The following ZNF257 variants were observed in gnomAD, a reference collection of about 807,000 sequenced individuals.
The protein encoded by ZNF257 is zinc finger protein 257.
Under a neutral mutation model 11.9 loss-of-function variants are expected in ZNF257, and 12 were observed. The ratio of observed to expected loss-of-function variants is 1.01; its 90% CI spans 0.65 to 1.63. ZNF257 has a LOEUF of 1.63. Ranked by LOEUF, ZNF257 falls within the 40% of genes most tolerant of loss-of-function variation. The pLI, the probability that ZNF257 is intolerant of heterozygous loss-of-function variation, is 0.00. For synonymous variants in ZNF257, 183 were observed against 222.7 expected (o/e 0.82, Z 1.59); for missense variants, 580 against 665.5 (o/e 0.87, Z 1.41).
rs752846160 is a variant in ZNF257 at position 22,088,999 on chromosome 19, A to G, written c.1249A>G (p.Thr417Ala). The change falls in exon 4 of 4, where the codon ACC becomes GCC. Residue 417 changes from threonine to alanine, a missense_variant. Physicochemically the swap from Thr to Ala is moderately conservative, Grantham distance 58 (BLOSUM62 0). Transcript: ENST00000594947. ...KAFNWSSALT[T>A]LTQHKIIHTG... ...TTTTAACTGGTCCTCAGCTCTTACT[A>G]CCCTTACTCAGCATAAGATAATTCA... 1.2e-6 allele frequency: 2 copies of G among 1,608,326 alleles called. No individual in the cohort carries two copies. Among genetic ancestry groups the G allele is most frequent in the East Asian group, 2.2e-5 (1 of 44,584 alleles).
At chr19:22,069,388 G>A (rs1227168244) in intron 1 of ZNF257, among the ~76,000 whole-genome samples, 1 of 152,156 alleles carries the variant, frequency 6.6e-6, no homozygotes, top group Admixed American at 6.5e-5. Context: ...GCCGAGGTGG[G>A]TGGATCACGA....
chr19:22,081,350 TCTACCATAATTATGC>T (rs2022356954), intron 3 of ZNF257, among the ~76,000 whole-genome samples: 1 of 151,970 alleles, frequency 6.6e-6, no homozygotes, highest in Admixed American at 6.6e-5. Context: ...CATAATTATG[TCTACCATAATTATGC>T]CTACCCACCC....
chr19:22,079,326 G>T (rs915913519), intron 3 of ZNF257, among the ~76,000 whole-genome samples: 1 of 151,924 alleles, frequency 6.6e-6, no homozygotes, highest in Non-Finnish European at 1.5e-5. Context: ...CTTTTTCATG[G>T]GTTTCTGGCT....
At chr19:22,063,113 A>G (rs1412504057) in intron 1 of ZNF257, among the ~76,000 whole-genome samples, 1 of 152,100 alleles carries the variant, frequency 6.6e-6, no homozygotes, top group African/African-American at 2.4e-5. Context: ...GTATTTGTCC[A>G]GGACTTTATT....
At chr19:22,080,006 A>C (rs2022323563) in intron 3 of ZNF257, among the ~76,000 whole-genome samples, 1 of 152,018 alleles carries the variant, frequency 6.6e-6, no homozygotes, top group Admixed American at 6.6e-5. Flanking sequence ...TTTAGACAGG[A>C]TCTTACTCTG....
Position 22,088,671 on chromosome 19 carries a change from G to C in ZNF257, c.921G>C (p.Lys307Asn). ...CTCTTACTACCCTTACTCAACATAA[G>C]AGAATTCATACTGGAGAGAAACCCT... is the stretch of plus-strand genomic sequence containing the variant. ...SSALTTLTQH[K>N]RIHTGEKPYK... The change falls in exon 4 of 4, where the codon AAG (lysine) becomes AAC (asparagine). Residue 307 changes from lysine to asparagine, a missense_variant. Physicochemically the swap from Lys to Asn is moderately conservative, Grantham distance 94 (BLOSUM62 0). Coordinates refer to ENST00000594947, the MANE Select transcript of ZNF257 (RefSeq NM_033468.4). 7 of 1,613,248 alleles carry C rather than the reference G, an allele frequency of 4.3e-6. No individual in the cohort carries two copies. Among genetic ancestry groups the C allele is most frequent in the Non-Finnish European group, 5.9e-6 (7 of 1,179,806 alleles).
At chr19:22,053,153 G>A (rs1239763303) in intron 1 of ZNF257, among the ~76,000 whole-genome samples, 1 of 151,620 alleles carries the variant, frequency 6.6e-6, no homozygotes, top group Non-Finnish European at 1.5e-5. Context: ...GGCGGATCAC[G>A]AGGTCAGGAG....
intron 1 of ZNF257, among the ~76,000 whole-genome samples, chr19:22,065,451 C>T (rs1350292804): frequency 1.3e-5 from 2 of 152,114 alleles, no homozygotes; most frequent in Non-Finnish European, 1.5e-5. Flanking sequence ...CCACCCACCT[C>T]GGCCTTCCAA....
In ZNF257 at chr19:22,089,348, A is replaced by T. The variant is rs369615066; in HGVS notation, c.1598A>T (p.His533Leu). ...PFNRFSYLTV[H>L]KRIHAGENPN... ...AATCGTTTCTCATACCTTACCGTAC[A>T]TAAGAGAATTCATGCTGGAGAGAAC... Residue 533 changes from histidine to leucine, a missense_variant, in exon 4 of 4, where the codon CAT becomes CTT. Coordinates refer to ENST00000594947, the MANE Select transcript of ZNF257 (RefSeq NM_033468.4). The T allele has an allele frequency of 1.9e-6, 3 of 1,613,604 alleles. No individual in the cohort carries two copies. The highest frequency in any genetic ancestry group is 2.7e-5 in the African/African-American group (2 of 74,888).
chr19:22,060,486 C>CTTTTTTTTTT (rs61396561), intron 1 of ZNF257: 1 of 136,110 alleles, frequency 7.3e-6, no homozygotes. Flanking sequence ...CCTACTTTTT[C>CTTTTTTTTTT]TTTTTTTTTT....
At chr19:22,056,550 A>C (rs1230377480) in intron 1 of ZNF257, among the ~76,000 whole-genome samples, 2 of 142,924 alleles carry the variant, frequency 1.4e-5, no homozygotes, top group Admixed American at 7.3e-5. Flanking sequence ...ATCTTGGCTC[A>C]CTGCAAGCTC....
intron 1 of ZNF257, 38 bp downstream of exon 1, chr19:22,052,673 G>A: frequency 6.2e-7 from 1 of 1,604,398 alleles, no homozygotes; most frequent in South Asian, 1.1e-5. Flanking sequence ...GAGAGGGGAA[G>A]GGGGTGGTTG....
At chr19:22,068,762 C>T (rs2022025988) in intron 1 of ZNF257, among the ~76,000 whole-genome samples, 1 of 152,144 alleles carries the variant, frequency 6.6e-6, no homozygotes, top group African/African-American at 2.4e-5. Context: ...CATTTTTGTC[C>T]TTCCTCTTAC....
intron 1 of ZNF257, among the ~76,000 whole-genome samples, chr19:22,062,656 A>G (rs2021835359): frequency 6.6e-6 from 1 of 151,644 alleles, no homozygotes; most frequent in Admixed American, 6.6e-5. Flanking sequence ...ATAATTTTGT[A>G]TTTTTAGTAG....
chr19:22,087,099 C>G (rs1206473876), intron 3 of ZNF257, among the ~76,000 whole-genome samples: 1 of 151,410 alleles, frequency 6.6e-6, no homozygotes, highest in South Asian at 2.1e-4. Flanking sequence ...TATTATTCAA[C>G]TTATTTTAAA....
intron 3 of ZNF257, among the ~76,000 whole-genome samples, chr19:22,084,097 G>A (rs1226238358): frequency 1.3e-5 from 2 of 149,568 alleles, no homozygotes; most frequent in Non-Finnish European, 3.0e-5. Flanking sequence ...CTGAGATCGC[G>A]CCATCGCACT....
chr19:22,056,041 C>CGA (rs373596696), intron 1 of ZNF257, among the ~76,000 whole-genome samples: 32,311 of 136,380 alleles, frequency 0.24, 5,159 homozygotes, highest in African/African-American at 0.46. Flanking sequence ...GGCGACAGAG[C>CGA]GAGACTCCGT....
At chr19:22,058,004 C>T (rs1274871443) in intron 1 of ZNF257, among the ~76,000 whole-genome samples, 2 of 152,142 alleles carry the variant, frequency 1.3e-5, no homozygotes, top group East Asian at 3.9e-4. Context: ...TCAGGTGATC[C>T]ACCCACCTCG....
At position 22,088,533 on chromosome 19, in the gene ZNF257, G is replaced by A. The variant is rs531050668; in HGVS notation, c.783G>A (p.Glu261=). The A allele has an allele frequency of 5.6e-6, 9 of 1,613,076 alleles. No individual in the cohort carries two copies. The African/African-American group carries it at 1.1e-4, about 19-fold the overall frequency. Residue 261 remains glutamate, a synonymous_variant, in exon 4 of 4, where the codon GAG becomes GAA. Coordinates refer to ENST00000594947, the MANE Select transcript of ZNF257 (RefSeq NM_033468.4). ...GAGAGAAACCCTACAAATGTGAAGA[G>A]TGTGGCAAAGCCTTTAACCGGTCTT... ...HTREKPYKCE[E]CGKAFNRSSH... is the part of the protein sequence containing the mutation.
Sources: gnomAD v4.1 joint callset for allele counts (sites outside exome capture counted in the v4.1 genomes callset) on GRCh38, gnomAD v4.1.1 for gene constraint, MANE v1.5 for transcripts, NCBI Gene and HGNC (gene_info 2026-07-23, HGNC 2026-07-21) for gene names.